Variants in NEBL observed in about 807,000 individuals in gnomAD.
NEBL encodes LIM and SH3 protein 2.
Under a neutral mutation model 140.2 loss-of-function variants are expected in NEBL, and 122 were observed. That is an observed-to-expected ratio of 0.87 (90% CI 0.75 to 1.01). The LOEUF (loss-of-function observed/expected upper bound fraction) is 1.01. NEBL is among the 50% of genes least tolerant of loss of function. The pLI, the probability that NEBL is intolerant of heterozygous loss-of-function variation, is 0.00. For missense variants in NEBL, 1,365 were observed against 1,231.3 expected (o/e 1.11, Z -1.62); for synonymous variants, 436 against 398.9 (o/e 1.09, Z -1.11).
chr10:21,290,874 G>A (rs1843133119), intron 1 of NEBL, among the ~76,000 whole-genome samples: 1 of 152,156 alleles, frequency 6.6e-6, no homozygotes, highest in Non-Finnish European at 1.5e-5. Context: ...GAGTCTCATA[G>A]TTTTGCACGG....
chr10:20,929,259 A>G (rs1834061136), intron 4 of NEBL, among the ~76,000 whole-genome samples: 1 of 147,258 alleles, frequency 6.8e-6, no homozygotes. Context: ...TGAGAGATAT[A>G]AATATATATA....
chr10:21,193,803 T>C (rs1018629018), intron 3 of NEBL, among the ~76,000 whole-genome samples: 5 of 152,190 alleles, frequency 3.3e-5, no homozygotes, highest in African/African-American at 1.2e-4. Flanking sequence ...TGTAGCCATG[T>C]TTATTTGTTG....
At chr10:21,054,384 G>A (rs1407125993) in intron 2 of NEBL, among the ~76,000 whole-genome samples, 1 of 152,136 alleles carries the variant, frequency 6.6e-6, no homozygotes, top group Non-Finnish European at 1.5e-5. Flanking sequence ...GTGACTAGCT[G>A]GCATTGTCCG....
chr10:20,879,622 T>C (rs887671077), intron 5 of NEBL, among the ~76,000 whole-genome samples: 3 of 152,178 alleles, frequency 2.0e-5, no homozygotes, highest in Non-Finnish European at 4.4e-5. Flanking sequence ...GGGCACATGG[T>C]CAGCCAAGCA....
chr10:21,013,454 G>A (rs868617521), intron 3 of NEBL, among the ~76,000 whole-genome samples: 9 of 152,136 alleles, frequency 5.9e-5, no homozygotes, highest in South Asian at 4.1e-4. Context: ...CCAAAATGGC[G>A]TTCAAAGAAA....
At chr10:21,010,320 C>G (rs1240691672) in intron 3 of NEBL, among the ~76,000 whole-genome samples, 1 of 152,188 alleles carries the variant, frequency 6.6e-6, no homozygotes, top group Non-Finnish European at 1.5e-5. Flanking sequence ...TCACAGCTCA[C>G]TACAACCTCG....
At chr10:21,135,082 T>G (rs1839291029) in intron 2 of NEBL, among the ~76,000 whole-genome samples, 1 of 152,234 alleles carries the variant, frequency 6.6e-6, no homozygotes, top group Admixed American at 6.5e-5. Flanking sequence ...GGACACCTCT[T>G]GTGAGTCATT....
At chr10:21,216,351 G>A (rs1239574094) in intron 3 of NEBL, among the ~76,000 whole-genome samples, 1 of 152,176 alleles carries the variant, frequency 6.6e-6, no homozygotes, top group Non-Finnish European at 1.5e-5. Flanking sequence ...CTAACCAGCT[G>A]CAATTAAAAG....
At position 20,895,537 on chromosome 10, in the gene NEBL, C is replaced by A. The variant is rs149338180; in HGVS notation, c.153+1421G>T. ...CTACCTCGCAAGCTGCAATCCCTGG[C>A]ACACAATAGTCACTAAATCTTAACT... On this transcript the variant is annotated intron_variant, in intron 2 of 27. Coordinates refer to ENST00000377122, the MANE Select transcript of NEBL (RefSeq NM_006393.3). 3.6e-3 allele frequency among the ~76,000 whole-genome samples: 550 copies of A among 152,310 alleles called. 2 individuals carry two copies. The highest frequency in any genetic ancestry group is 0.013 in the African/African-American group (528 of 41,574).
In NEBL at chr10:21,077,389, G is replaced by C. The variant is rs970483861; in HGVS notation, c.165-57188C>G. Among the ~76,000 whole-genome samples the C allele has an allele frequency of 3.9e-5, 6 of 152,212 alleles. No individual in the cohort carries two copies. The South Asian group carries it at 8.3e-4, about 21-fold the overall frequency. On this transcript the variant is annotated intron_variant, in intron 2 of 6. Transcript: ENST00000417816. The stretch of plus-strand genomic sequence containing the variant: ...GAAGGCTGAAGCGGGTGGGTCACAA[G>C]GTCAGGAGATAGAGACCATCCTGGC...
intron 1 of NEBL, among the ~76,000 whole-genome samples, chr10:21,288,399 C>T (rs1435327707): frequency 2.0e-5 from 3 of 151,878 alleles, no homozygotes; most frequent in Non-Finnish European, 4.4e-5. Flanking sequence ...ACCCAGGAGT[C>T]AGAGTTTGCA....
At chr10:20,900,972 C>A (rs1420412103), upstream of NEBL, among the ~76,000 whole-genome samples, 1 of 151,922 alleles carries the variant, frequency 6.6e-6, no homozygotes, top group Non-Finnish European at 1.5e-5. Context: ...GAGCCAAGAT[C>A]GCGCCACTGC....
At chr10:21,171,335 C>CAAAAAAA (rs576463516) in intron 2 of NEBL, among the ~76,000 whole-genome samples, 1 of 66,760 alleles carries the variant, frequency 1.5e-5, no homozygotes, top group Admixed American at 1.9e-4. Flanking sequence ...ACTTCTGTCT[C>CAAAAAAA]AAAAAAAAAA....
At chr10:21,217,428 T>C (rs1191649191) in intron 3 of NEBL, among the ~76,000 whole-genome samples, 1 of 152,172 alleles carries the variant, frequency 6.6e-6, no homozygotes, top group Non-Finnish European at 1.5e-5. Flanking sequence ...AGCAGCTATT[T>C]ATTTATTTAA....
chr10:20,814,711 T>C (rs540362894), intron 22 of NEBL, among the ~76,000 whole-genome samples: 2 of 152,254 alleles, frequency 1.3e-5, no homozygotes, highest in East Asian at 3.9e-4. Context: ...TTATTTTGTT[T>C]CTAAATTTCC....
chr10:21,276,187 G>T (rs1842922404), intron 1 of NEBL, among the ~76,000 whole-genome samples: 1 of 151,714 alleles, frequency 6.6e-6, no homozygotes, highest in African/African-American at 2.4e-5. Context: ...GGGCAGGCTG[G>T]TCTCAAACTC....
At chr10:20,841,619 T>C (rs1841418698) in intron 12 of NEBL, 1 of 152,114 alleles carries the variant, frequency 6.6e-6, no homozygotes, top group Non-Finnish European at 1.5e-5. Flanking sequence ...ACGATGATGA[T>C]GATGATGATA....
intron 19 of NEBL, among the ~76,000 whole-genome samples, chr10:20,821,601 T>C (rs1033780926): frequency 2.6e-5 from 4 of 152,208 alleles, no homozygotes; most frequent in African/African-American, 2.4e-5. Flanking sequence ...CTACCATCAA[T>C]TGAAAACTAG....
At position 21,274,479 on chromosome 10, in the gene NEBL, G is replaced by A. The variant is rs138037824; in HGVS notation, n.182+18351C>T. The stretch of plus-strand genomic sequence containing the variant: ...TTCCCTCTGTTGCCCAGGCTGGAGT[G>A]CAATGGCATGATCTCAGCTCACTGC... On this transcript the variant is annotated intron_variant and non_coding_transcript_variant, in intron 1 of 8. Coordinates refer to the NEBL transcript ENST00000675702. Among the ~76,000 whole-genome samples, 967 of 152,304 alleles carry A rather than the reference G, an allele frequency of 6.3e-3. 12 individuals carry two copies. The highest frequency in any genetic ancestry group is 0.022 in the African/African-American group (909 of 41,566).
Sources: gnomAD v4.1 joint callset for allele counts (sites outside exome capture counted in the v4.1 genomes callset) on GRCh38, gnomAD v4.1.1 for gene constraint, MANE v1.5 for transcripts, NCBI Gene and HGNC (gene_info 2026-07-23, HGNC 2026-07-21) for gene names.